Variants in EPB41 observed in about 807,000 individuals in gnomAD.
EPB41 encodes erythrocyte membrane protein band 4.1, also known as protein 4.1.
Under a neutral mutation model 108.0 loss-of-function variants are expected in EPB41, and 65 were observed. The observed-to-expected ratio is 0.60, with a 90% CI of 0.49 to 0.74. EPB41 has a LOEUF of 0.74. EPB41 is among the 30% of genes least tolerant of loss of function. The probability of loss-of-function intolerance (pLI) is 0.00; values close to 1 mark genes in which losing one functional copy is unlikely to be tolerated. For missense variants in EPB41, 875 were observed against 1,037.0 expected, an observed-to-expected ratio of 0.84 and a Z score of 2.15; for synonymous variants, 336 against 358.9, an observed-to-expected ratio of 0.94 and a Z score of 0.72.
intron 1 of EPB41, among the ~76,000 whole-genome samples, chr1:28,947,351 T>C (rs2094520758): frequency 6.6e-6 from 1 of 151,570 alleles, no homozygotes; most frequent in Non-Finnish European, 1.5e-5. Context: ...GATGTTGCAG[T>C]GGGCGGAGAT....
chr1:29,070,299 G>A, intron 16 of EPB41: 2 of 1,134,146 alleles, frequency 1.8e-6, no homozygotes, highest in African/African-American at 1.6e-5. Context: ...TCATTTTTGA[G>A]CATTTTCCAT....
At chr1:29,015,574 CAAA>C in intron 5 of EPB41, 115 bp from the exon 6 acceptor site, 1 of 680,736 alleles carries the variant, frequency 1.5e-6, no homozygotes, top group South Asian at 1.8e-5. Context: ...GACTCCGTCT[CAAA>C]GAAAAAAAAA....
At chr1:28,905,297 G>A (rs2091703802) in intron 1 of EPB41, among the ~76,000 whole-genome samples, 1 of 151,798 alleles carries the variant, frequency 6.6e-6, no homozygotes. Flanking sequence ...GGGAGTTTGA[G>A]ACCAGCCTGG....
At chr1:29,017,045 G>A (rs2096587397) in intron 6 of EPB41, among the ~76,000 whole-genome samples, 2 of 152,148 alleles carry the variant, frequency 1.3e-5, no homozygotes, top group South Asian at 4.1e-4. Flanking sequence ...TTGAAGTTGA[G>A]ATGCCGGATT....
At chr1:28,902,367 AATGGTTATT>A in intron 1 of EPB41, 1 of 985,328 alleles carries the variant, frequency 1.0e-6, no homozygotes, top group Non-Finnish European at 1.2e-6. Context: ...TTGGGTCCGC[AATGGTTATT>A]ATGTCATTAT....
At chr1:28,941,280 T>C (rs910656016) in intron 1 of EPB41, among the ~76,000 whole-genome samples, 1 of 151,134 alleles carries the variant, frequency 6.6e-6, no homozygotes, top group Admixed American at 6.6e-5. Context: ...CTCGGGAGAC[T>C]AAGATGGGAA....
intron 1 of EPB41, among the ~76,000 whole-genome samples, chr1:28,901,438 T>A (rs1341581278): frequency 6.6e-6 from 1 of 151,468 alleles, no homozygotes; most frequent in East Asian, 1.9e-4. Context: ...TTGGCCAGGG[T>A]GGTCTCGATC....
chr1:29,022,372 TAAAAAA>T (rs370103452), intron 7 of EPB41, among the ~76,000 whole-genome samples: 16 of 111,544 alleles, frequency 1.4e-4, no homozygotes, highest in South Asian at 3.1e-4. Context: ...ATTGATATAA[TAAAAAA>T]AAAAAAAAAA....
At position 29,043,295 on chromosome 1, in the gene EPB41, A is replaced by G. The variant is rs144360056; in HGVS notation, c.1636+3869A>G. Reference sequence around the variant, plus strand: ...CTTCATTTGAGCTGAGACCTGAATTATGTGAAGGAGCCGGCCATCTCAAAA... The same window carrying G: ...CTTCATTTGAGCTGAGACCTGAATTGTGTGAAGGAGCCGGCCATCTCAAAA... On this transcript the variant is annotated intron_variant, in intron 11 of 20. Transcript: ENST00000343067. Among the ~76,000 whole-genome samples, 635 of 152,324 alleles carry G rather than the reference A, an allele frequency of 4.2e-3. 7 individuals carry two copies. Among genetic ancestry groups the G allele is most frequent in the African/African-American group, 0.014 (589 of 41,576 alleles).
intron 1 of EPB41, chr1:28,902,106 G>A (rs157231): frequency 0.088 from 81,287 of 923,504 alleles, 4,352 homozygotes; most frequent in African/African-American, 0.25. Flanking sequence ...TATGAAGCCT[G>A]TTCTCTCTGG....
intron 1 of EPB41, among the ~76,000 whole-genome samples, chr1:28,895,877 C>A (rs2090607584): frequency 6.6e-6 from 1 of 152,164 alleles, no homozygotes; most frequent in Non-Finnish European, 1.5e-5. Context: ...TCTCCCATGA[C>A]CAGTACACGG....
chr1:29,088,048 T>C (rs1573780153), intron 16 of EPB41, among the ~76,000 whole-genome samples: 1 of 147,350 alleles, frequency 6.8e-6, no homozygotes, highest in Non-Finnish European at 1.5e-5. Flanking sequence ...TTTTTTTCTT[T>C]TTTTCTTTTT....
At chr1:29,026,846 C>T (rs551570988) in intron 7 of EPB41, among the ~76,000 whole-genome samples, 1 of 149,994 alleles carries the variant, frequency 6.7e-6, no homozygotes, top group African/African-American at 2.4e-5. Flanking sequence ...TTAATCCCAG[C>T]ACTTTGGGAG....
chr1:29,022,020 C>G (rs2096652529), intron 7 of EPB41, among the ~76,000 whole-genome samples: 1 of 152,150 alleles, frequency 6.6e-6, no homozygotes, highest in South Asian at 2.1e-4. Context: ...GTATTTGTTG[C>G]TAATGACAAA....
chr1:28,972,676 C>T (rs1026653712), intron 1 of EPB41, among the ~76,000 whole-genome samples: 4 of 151,832 alleles, frequency 2.6e-5, no homozygotes, highest in African/African-American at 4.8e-5. Context: ...CATGATTCAC[C>T]GCAGCCTCCA....
intron 1 of EPB41, among the ~76,000 whole-genome samples, chr1:28,917,752 T>C (rs1208419640): frequency 2.0e-5 from 3 of 151,986 alleles, no homozygotes; most frequent in Non-Finnish European, 2.9e-5. Context: ...AGCTTTTTTT[T>C]TTCGTTTTTA....
intron 16 of EPB41, among the ~76,000 whole-genome samples, chr1:29,066,410 C>CGAG (rs1273068609): frequency 2.0e-5 from 3 of 151,796 alleles, no homozygotes; most frequent in African/African-American, 7.3e-5. Context: ...CAGAGTGAGA[C>CGAG]TCCGTCTCAA....
intron 1 of EPB41, among the ~76,000 whole-genome samples, chr1:28,900,778 C>T (rs1309717086): frequency 6.6e-6 from 1 of 152,140 alleles, no homozygotes; most frequent in East Asian, 1.9e-4. Flanking sequence ...CCAGGCAAGT[C>T]CATCAAGCAC....
intron 17 of EPB41, among the ~76,000 whole-genome samples, chr1:29,105,743 C>CTTTTTTTTTTTTTTTTTTTTTTTTTT (rs63685960): frequency 1.1e-5 from 1 of 91,082 alleles, no homozygotes; most frequent in Non-Finnish European, 2.0e-5. Flanking sequence ...ATGTACAGAT[C>CTTTTTTTTTTTTTTTTTTTTTTTTTT]TTTTTTTTTT....
Sources: gnomAD v4.1 joint callset for allele counts (sites outside exome capture counted in the v4.1 genomes callset) on GRCh38, gnomAD v4.1.1 for gene constraint, MANE v1.5 for transcripts, NCBI Gene and HGNC (gene_info 2026-07-23, HGNC 2026-07-21) for gene names.